Variants in ITSN1 observed in about 807,000 individuals in gnomAD.
The protein encoded by ITSN1 is intersectin-1.
Under a neutral mutation model 239.8 loss-of-function variants are expected in ITSN1, and 58 were observed. The ratio of observed to expected loss-of-function variants is 0.24; its 90% CI spans 0.20 to 0.30. ITSN1 has a LOEUF of 0.30. Ranked by LOEUF, ITSN1 falls within the 10% of genes least tolerant of loss-of-function variation. The pLI is 1.00. For missense variants in ITSN1, 1,558 were observed against 2,103.3 expected (o/e 0.74, Z 5.07); for synonymous variants, 780 against 770.8 (o/e 1.01, Z -0.20).
chr21:33,686,674 C>T (rs974373113), intron 1 of ITSN1, among the ~76,000 whole-genome samples: 1 of 152,136 alleles, frequency 6.6e-6, no homozygotes, highest in African/African-American at 2.4e-5. Flanking sequence ...TCTCATTTCC[C>T]CTTTCCATTT....
chr21:33,791,440 T>C (rs2071124343), intron 16 of ITSN1, among the ~76,000 whole-genome samples: 1 of 152,252 alleles, frequency 6.6e-6, no homozygotes, highest in South Asian at 2.1e-4. Context: ...AATACTGCTA[T>C]ACTCAAAAAC....
At chr21:33,874,643 T>C (rs1983375282) in intron 33 of ITSN1, among the ~76,000 whole-genome samples, 1 of 106,748 alleles carries the variant, frequency 9.4e-6, no homozygotes, top group African/African-American at 4.0e-5. Context: ...GTGAATATTT[T>C]CTTTTTCTTT....
At position 33,760,833 on chromosome 21, in the gene ITSN1, G is replaced by C. The variant is rs9984347; in HGVS notation, c.725-1090G>C. Among the ~76,000 whole-genome samples the C allele has an allele frequency of 8.2e-3, 1,242 of 152,216 alleles. 18 individuals carry two copies. Among genetic ancestry groups the C allele is most frequent in the African/African-American group, 0.028 (1,143 of 41,528 alleles). On this transcript the variant is annotated intron_variant, in intron 8 of 39. Coordinates refer to ENST00000381318, the MANE Select transcript of ITSN1 (RefSeq NM_003024.3). ...CATTCCTCTGTCCAGCAGTCTTCCTGGGACCACATCTTGAGAGGCAGTGCT... is the reference window on the plus strand; with the variant it reads ...CATTCCTCTGTCCAGCAGTCTTCCTCGGACCACATCTTGAGAGGCAGTGCT...
chr21:33,704,926 A>T (rs1285661853), intron 1 of ITSN1, among the ~76,000 whole-genome samples: 4 of 78,200 alleles, frequency 5.1e-5, no homozygotes, highest in Non-Finnish European at 9.5e-5. Context: ...TCTCTACTAA[A>T]AAAAAAAAAA....
At chr21:33,643,053 G>A (rs1310007783) in intron 1 of ITSN1, among the ~76,000 whole-genome samples, 1 of 149,766 alleles carries the variant, frequency 6.7e-6, no homozygotes, top group African/African-American at 2.4e-5. Flanking sequence ...TCCTCTCGCG[G>A]GGACCCCGGG....
chr21:33,755,652 A>G (rs1428340155), intron 8 of ITSN1, among the ~76,000 whole-genome samples: 1 of 152,206 alleles, frequency 6.6e-6, no homozygotes, highest in Non-Finnish European at 1.5e-5. Flanking sequence ...CTGATATGCA[A>G]ATCAAGGCAC....
chr21:33,878,788 G>A (rs1165286685), intron 34 of ITSN1, among the ~76,000 whole-genome samples: 1 of 152,194 alleles, frequency 6.6e-6, no homozygotes, highest in Non-Finnish European at 1.5e-5. Context: ...CATTCAATAA[G>A]CACTTAGTGA....
intron 9 of ITSN1, among the ~76,000 whole-genome samples, chr21:33,763,627 T>G (rs557165318): frequency 2.0e-5 from 3 of 152,278 alleles, no homozygotes; most frequent in Non-Finnish European, 4.4e-5. Context: ...TGATTTTTTT[T>G]TTTGTTTTGT....
intron 22 of ITSN1, among the ~76,000 whole-genome samples, chr21:33,816,193 CA>C (rs113561711): frequency 1.6e-3 from 205 of 127,272 alleles, no homozygotes; most frequent in Middle Eastern, 3.9e-3. Flanking sequence ...ACTGAGTTCT[CA>C]AAAAAAAAAA....
chr21:33,752,529 C>T (rs1359780937), intron 7 of ITSN1, among the ~76,000 whole-genome samples: 1 of 152,038 alleles, frequency 6.6e-6, no homozygotes, highest in Non-Finnish European at 1.5e-5. Flanking sequence ...TTATTTTACT[C>T]CTATGTTTTA....
chr21:33,810,509 G>C (rs1283628048), intron 20 of ITSN1, among the ~76,000 whole-genome samples: 1 of 151,288 alleles, frequency 6.6e-6, no homozygotes, highest in Non-Finnish European at 1.5e-5. Flanking sequence ...AATCTTCCTT[G>C]TCCTTATACT....
chr21:33,713,828 CTTTTTTTTT>C (rs35226795), intron 1 of ITSN1, among the ~76,000 whole-genome samples: 18 of 89,382 alleles, frequency 2.0e-4, no homozygotes, highest in African/African-American at 6.5e-4. Flanking sequence ...CCAGCCTCAT[CTTTTTTTTT>C]TTTTTTTTTT....
At chr21:33,825,830 A>T (rs903286657) in intron 25 of ITSN1, among the ~76,000 whole-genome samples, 1 of 152,152 alleles carries the variant, frequency 6.6e-6, no homozygotes, top group South Asian at 2.1e-4. Flanking sequence ...TTTAACCCGA[A>T]CTTTTCCTGG....
intron 29 of ITSN1, among the ~76,000 whole-genome samples, chr21:33,849,114 G>A (rs112013347): frequency 2.6e-5 from 4 of 152,032 alleles, no homozygotes; most frequent in African/African-American, 9.7e-5. Flanking sequence ...GGTGGCATGT[G>A]CTTGTCCCAG....
chr21:33,717,722 AT>A, intron 1 of ITSN1, among the ~76,000 whole-genome samples: 1 of 137,678 alleles, frequency 7.3e-6, no homozygotes, highest in South Asian at 2.6e-4. Context: ...CGCCCAGCTA[AT>A]TTTTTTTGTG....
chr21:33,760,105 C>T (rs777348661), intron 8 of ITSN1, among the ~76,000 whole-genome samples: 5 of 144,622 alleles, frequency 3.5e-5, no homozygotes, highest in Non-Finnish European at 5.9e-5. Context: ...GAGACTCCAT[C>T]TCAAAAAAAA....
At chr21:33,762,060 G>C in intron 9 of ITSN1, 74 bp downstream of exon 9, 1 of 1,028,616 alleles carries the variant, frequency 9.7e-7, no homozygotes, top group Middle Eastern at 2.1e-4. Context: ...ATGGGTTTTA[G>C]ATTAATACCG....
chr21:33,819,236 T>C lies in ITSN1; in HGVS notation c.2934-5T>C. 3.1e-6 allele frequency: 5 copies of C among 1,603,154 alleles called. No homozygotes were observed. Among genetic ancestry groups the C allele is most frequent in the Non-Finnish European group, 4.3e-6 (5 of 1,170,986 alleles). ...TTAAAATACTCTCTTCTTCCATTATTGCAGCATGGATTCTGGTTCTTCAGA... is the reference window on the plus strand; with the variant it reads ...TTAAAATACTCTCTTCTTCCATTATCGCAGCATGGATTCTGGTTCTTCAGA... On this transcript the variant is annotated splice_polypyrimidine_tract_variant and splice_region_variant and intron_variant, in intron 23 of 39. Coordinates refer to ENST00000381318, the MANE Select transcript of ITSN1 (RefSeq NM_003024.3).
Position 33,865,137 on chromosome 21 carries a change from G to A in ITSN1, c.3891-14G>A, listed in dbSNP as rs190657823. On this transcript the variant is annotated splice_polypyrimidine_tract_variant and intron_variant, in intron 31 of 39. Coordinates refer to ENST00000381318, the MANE Select transcript of ITSN1 (RefSeq NM_003024.3). The surrounding 1 kb of genome is among the most constrained non-coding windows in gnomAD (Gnocchi z 4.4). ...CGTGAAAGCAGGGGGCTCACCTCCC[G>A]TGTTTCCGTGCAGAGCGCTGAGAGT... The A allele has an allele frequency of 2.3e-4, 375 of 1,605,792 alleles. 1 individual carries two copies. Among genetic ancestry groups the A allele is most frequent in the Non-Finnish European group, 2.6e-4 (306 of 1,174,782 alleles).
Sources: allele counts gnomAD v4.1 joint callset (sites outside exome capture counted in the v4.1 genomes callset), GRCh38; gene constraint gnomAD v4.1.1; non-coding constraint Gnocchi (gnomAD v3.1); transcripts MANE v1.5; gene names NCBI Gene and HGNC (gene_info 2026-07-23, HGNC 2026-07-21).